TMEM181: variants seen among roughly 807,000 people sequenced by gnomAD.
The protein encoded by TMEM181 is transmembrane protein 181, also known as G protein-coupled receptor 178.
Under a neutral mutation model 71.9 loss-of-function variants are expected in TMEM181, and 39 were observed. The observed-to-expected ratio is 0.54, with a 90% confidence interval of 0.42 to 0.71. The LOEUF (loss-of-function observed/expected upper bound fraction) is 0.71. Ranked by LOEUF, TMEM181 falls within the 30% of genes least tolerant of loss-of-function variation. The pLI is 0.00. For synonymous variants in TMEM181, 245 were observed against 228.8 expected (o/e 1.07, Z -0.64); for missense variants, 595 against 583.0 (o/e 1.02, Z -0.21).
In TMEM181 at chr6:158,549,482, T is replaced by G. The variant is rs567447933; in HGVS notation, c.131+12617T>G. On this transcript the variant is annotated intron_variant, in intron 1 of 16. Transcript: ENST00000367090. Reference sequence around the variant, plus strand: ...ATGTTCTGTGCATGATTATCTCACCTTTGGAAATGAAGAAAGGAGAGAATG... The same window carrying G: ...ATGTTCTGTGCATGATTATCTCACCGTTGGAAATGAAGAAAGGAGAGAATG... Among the ~76,000 whole-genome samples, 3 of 152,298 alleles carry G rather than the reference T, an allele frequency of 2.0e-5. No homozygotes were observed. The South Asian group carries it at 6.2e-4, about 32-fold the overall frequency.
In TMEM181 at chr6:158,631,414, C is replaced by T. The variant is rs376785011; in HGVS notation, c.1349+25C>T. On this transcript the variant is annotated intron_variant, in intron 16 of 16. Coordinates refer to ENST00000684151, the MANE Select transcript of TMEM181 (RefSeq NM_001376852.1). ...GGTAAGTCCCTGTCCGTTAGAAGGC[C>T]GGCACACCTTGGGCATCCCGGCACG... The T allele has an allele frequency of 1.6e-5, 25 of 1,612,696 alleles. No individual in the cohort carries two copies. The African/African-American group carries it at 1.7e-4, about 11-fold the overall frequency.
intron 6 of TMEM181, among the ~76,000 whole-genome samples, chr6:158,604,833 T>C (rs1247284219): frequency 3.3e-5 from 5 of 152,218 alleles, no homozygotes; most frequent in African/African-American, 1.2e-4. Context: ...TTTGTCGGAT[T>C]TATCCATGTA....
Position 158,608,399 on chromosome 6 carries a change from A to C in TMEM181, c.740A>C (p.Gln247Pro). The C allele has an allele frequency of 1.2e-6, 2 of 1,614,128 alleles. No individual in the cohort carries two copies. The highest frequency in any genetic ancestry group is 1.7e-6 in the Non-Finnish European group (2 of 1,180,024). Residue 247 changes from glutamine to proline, a missense_variant, in exon 9 of 17, where the codon CAG becomes CCG. Physicochemically the swap from Gln to Pro is moderately conservative, Grantham distance 76 (BLOSUM62 -1). Transcript: ENST00000684151. ...CCAGGGATGCTGGATGACCTCTTTCAGTCCATGTTCCTGTGCGCCCTGCTG... is the reference window on the plus strand; with the variant it reads ...CCAGGGATGCTGGATGACCTCTTTCCGTCCATGTTCCTGTGCGCCCTGCTG... ...WLPGMLDDLF[Q>P]SMFLCALLLF...
chr6:158,618,087 C>T (rs770297718), intron 10 of TMEM181, among the ~76,000 whole-genome samples: 3 of 152,062 alleles, frequency 2.0e-5, no homozygotes, highest in Non-Finnish European at 4.4e-5. Flanking sequence ...GTGTTAAAGT[C>T]TCCCATTATT....
intron 8 of TMEM181, 78 bp downstream of exon 8, chr6:158,607,421 T>A: frequency 7.4e-7 from 1 of 1,351,302 alleles, no homozygotes; most frequent in Non-Finnish European, 1.1e-6. Flanking sequence ...GTTGTGCCTG[T>A]CATCCCAGCA....
At chr6:158,573,123 C>A (rs1403483975) in intron 1 of TMEM181, among the ~76,000 whole-genome samples, 1 of 152,146 alleles carries the variant, frequency 6.6e-6, no homozygotes, top group Non-Finnish European at 1.5e-5. Context: ...GGCCTAGGAG[C>A]CCCCCTAGTG....
intron 8 of TMEM181, 23 bp downstream of exon 8, chr6:158,607,366 A>G: frequency 6.2e-7 from 1 of 1,605,554 alleles, no homozygotes; most frequent in South Asian, 1.1e-5. Context: ...ATTTTTACTT[A>G]GGAACTTTTC....
chr6:158,567,002 C>T (rs1352052527), intron 1 of TMEM181, among the ~76,000 whole-genome samples: 1 of 152,058 alleles, frequency 6.6e-6, no homozygotes, highest in Non-Finnish European at 1.5e-5. Context: ...TTTAAAGCAC[C>T]TGTGAAAGTG....
Position 158,594,350 on chromosome 6 carries a change from C to T in TMEM181, c.492+4568C>T, listed in dbSNP as rs553542145. On this transcript the variant is annotated intron_variant, in intron 6 of 16. Coordinates refer to ENST00000684151, the MANE Select transcript of TMEM181 (RefSeq NM_001376852.1). ...CTGACCTCTGGTGATCCGCCTGCCT[C>T]GGCCTCCGAAAGTGCTGGGATTACA... Among the ~76,000 whole-genome samples the T allele has an allele frequency of 1.4e-3, 220 of 152,092 alleles. 1 individual carries two copies. The highest frequency in any genetic ancestry group is 4.7e-3 in the African/African-American group (195 of 41,518).
At chr6:158,578,588 T>TA (rs1783293977) in intron 2 of TMEM181, among the ~76,000 whole-genome samples, 2 of 152,140 alleles carry the variant, frequency 1.3e-5, no homozygotes, top group Admixed American at 1.3e-4. Flanking sequence ...ATGGAGCTGT[T>TA]ATAGGTGCAG....
chr6:158,588,123 C>T (rs1783888418), intron 5 of TMEM181, among the ~76,000 whole-genome samples: 1 of 152,242 alleles, frequency 6.6e-6, no homozygotes, highest in Non-Finnish European at 1.5e-5. Flanking sequence ...CCTTGGCTTC[C>T]CTTTCCAATG....
chr6:158,562,478 T>A (rs753880), intron 1 of TMEM181, among the ~76,000 whole-genome samples: 1 of 116,228 alleles, frequency 8.6e-6, no homozygotes, highest in Admixed American at 1.1e-4. Context: ...GTGTGTGTCT[T>A]GCTTGGCACG....
chr6:158,574,572 T>C (rs1278296769), intron 2 of TMEM181, among the ~76,000 whole-genome samples: 2 of 152,194 alleles, frequency 1.3e-5, no homozygotes, highest in Non-Finnish European at 2.9e-5. Flanking sequence ...TCCATGATTA[T>C]ATCAAACCCT....
chr6:158,611,678 C>A, intron 10 of TMEM181: 1 of 262,658 alleles, frequency 3.8e-6, no homozygotes, highest in South Asian at 4.1e-5. Context: ...TGGTGGCGGC[C>A]CCGCCCACAC....
At chr6:158,547,001 G>T (rs1781546531) in intron 1 of TMEM181, among the ~76,000 whole-genome samples, 2 of 151,952 alleles carry the variant, frequency 1.3e-5, no homozygotes, top group Admixed American at 1.3e-4. Context: ...ACTGATGCCA[G>T]CTGGGCGCAG....
chr6:158,580,296 C>T (rs962652522), intron 2 of TMEM181, among the ~76,000 whole-genome samples: 5 of 151,838 alleles, frequency 3.3e-5, no homozygotes, highest in African/African-American at 1.2e-4. Flanking sequence ...CGCTATTGCA[C>T]TCCAGCCTGG....
At chr6:158,536,901 G>C in intron 1 of TMEM181, 1 of 1,305,456 alleles carries the variant, frequency 7.7e-7, no homozygotes, top group South Asian at 2.5e-5. Context: ...GGCGGCCGGA[G>C]GCTTCCGGGC....
chr6:158,570,992 A>G (rs982665087), intron 1 of TMEM181, among the ~76,000 whole-genome samples: 13 of 149,128 alleles, frequency 8.7e-5, no homozygotes, highest in African/African-American at 3.2e-4. Flanking sequence ...GGCTCACTGC[A>G]ACCTCCAACT....
intron 1 of TMEM181, among the ~76,000 whole-genome samples, chr6:158,569,582 C>T (rs1025553156): frequency 6.6e-6 from 1 of 151,788 alleles, no homozygotes; most frequent in African/African-American, 2.4e-5. Flanking sequence ...CGGGTTGTGC[C>T]CTCATGCCCT....
Sources: gnomAD v4.1 joint callset for allele counts (sites outside exome capture counted in the v4.1 genomes callset) on GRCh38, gnomAD v4.1.1 for gene constraint, MANE v1.5 for transcripts, NCBI Gene and HGNC (gene_info 2026-07-23, HGNC 2026-07-21) for gene names.